The following FBXL13 variants were observed in gnomAD, a reference collection of about 807,000 sequenced individuals.
FBXL13 encodes F-box and leucine rich repeat protein 13.
In FBXL13, 67 loss-of-function variants were observed where a neutral mutation model predicts 83.6. The observed-to-expected ratio is 0.80, with a 90% CI of 0.66 to 0.98. The LOEUF (loss-of-function observed/expected upper bound fraction) is 0.98, where lower values mean the gene tolerates loss of function less well. Among genes scored for constraint, FBXL13 ranks in the 50% least tolerant of loss-of-function variants. The probability of loss-of-function intolerance (pLI) is 0.00; values close to 1 mark genes in which losing one functional copy is unlikely to be tolerated. For missense variants in FBXL13, 822 were observed against 866.5 expected (o/e 0.95, Z 0.64); for synonymous variants, 272 against 299.5 (o/e 0.91, Z 0.95).
At chr7:102,982,194 C>G (rs1828333298) in intron 6 of FBXL13, among the ~76,000 whole-genome samples, 1 of 152,148 alleles carries the variant, frequency 6.6e-6, no homozygotes, top group Non-Finnish European at 1.5e-5. Flanking sequence ...GCAGTCTTAA[C>G]TTTTAGTTCG....
At position 102,975,976 on chromosome 7, in the gene FBXL13, A is replaced by G. The variant is rs771777559; in HGVS notation, c.496-7859T>C. ...CCTGGTGCCTGCTTCAAGTGCGGCA[A>G]TGAAGGCCACTGGCCCACACAATGC... On this transcript the variant is annotated intron_variant, in intron 6 of 19. Transcript: ENST00000313221. The G allele has an allele frequency of 1.2e-5, 9 of 766,210 alleles. No individual in the cohort carries two copies. The East Asian group carries it at 1.5e-4, about 12-fold the overall frequency. The allele number at this position is 766,210 out of a possible 1,614,324, so 47.5% of individuals were successfully genotyped here.
At chr7:102,937,459 A>C (rs1303997080) in intron 8 of FBXL13, among the ~76,000 whole-genome samples, 1 of 146,654 alleles carries the variant, frequency 6.8e-6, no homozygotes, top group African/African-American at 2.5e-5. Flanking sequence ...GTGAGCTGAG[A>C]TCACGCCACT....
intron 6 of FBXL13, among the ~76,000 whole-genome samples, chr7:103,006,614 T>C (rs1449708347): frequency 6.6e-6 from 1 of 152,150 alleles, no homozygotes; most frequent in Non-Finnish European, 1.5e-5. Flanking sequence ...ACTAAATTAA[T>C]TGACTACCAG....
At chr7:102,940,339 A>G (rs577424714) in intron 8 of FBXL13, among the ~76,000 whole-genome samples, 1 of 151,672 alleles carries the variant, frequency 6.6e-6, no homozygotes, top group South Asian at 2.1e-4. Context: ...CCTCCCAAGT[A>G]GCTGGAACTA....
chr7:103,054,796 A>G (rs1018418786), intron 2 of FBXL13, among the ~76,000 whole-genome samples: 4 of 152,236 alleles, frequency 2.6e-5, no homozygotes, highest in African/African-American at 9.6e-5. Flanking sequence ...CTTTATAAAG[A>G]TGCACGAGAG....
intron 8 of FBXL13, among the ~76,000 whole-genome samples, chr7:102,950,104 C>CA (rs949156855): frequency 5.5e-4 from 81 of 148,556 alleles, no homozygotes; most frequent in South Asian, 1.3e-3. Context: ...GACTCTGTCT[C>CA]AAAAAAAAAC....
At chr7:102,932,365 T>G (rs1319319270) in intron 8 of FBXL13, among the ~76,000 whole-genome samples, 2 of 152,200 alleles carry the variant, frequency 1.3e-5, no homozygotes, top group African/African-American at 4.8e-5. Flanking sequence ...ACTACTTGGA[T>G]TCTAATTTAT....
rs536233268 is a variant in FBXL13 at position 103,019,450 on chromosome 7, A to C, written c.495+5613T>G. Reference sequence around the variant, plus strand: ...AGAGCAAACATATTCAAAAGCTAGCAGAAGGCAAGAAATAACTAAGATCAG... The same window carrying C: ...AGAGCAAACATATTCAAAAGCTAGCCGAAGGCAAGAAATAACTAAGATCAG... On this transcript the variant is annotated intron_variant, in intron 6 of 19. Transcript: ENST00000313221. 9.5e-4 allele frequency among the ~76,000 whole-genome samples: 145 copies of C among 152,330 alleles called. 2 individuals are homozygous for C. The highest frequency in any genetic ancestry group is 3.3e-3 in the African/African-American group (137 of 41,580).
At chr7:103,024,718 A>G (rs1793653296) in intron 6 of FBXL13, among the ~76,000 whole-genome samples, 1 of 149,698 alleles carries the variant, frequency 6.7e-6, no homozygotes, top group South Asian at 2.1e-4. Context: ...ACAAGATAGG[A>G]GCAGGTAATT....
At chr7:102,939,419 A>C (rs1563122753) in intron 8 of FBXL13, 2 of 1,602,062 alleles carry the variant, frequency 1.2e-6, no homozygotes, top group Non-Finnish European at 1.7e-6. Flanking sequence ...AAATATTATT[A>C]AATTTTCCAG....
chr7:102,827,335 G>A (rs963113395), intron 18 of FBXL13, among the ~76,000 whole-genome samples: 1 of 152,108 alleles, frequency 6.6e-6, no homozygotes, highest in Non-Finnish European at 1.5e-5. Context: ...CAACCCTGGG[G>A]CCAACCACTG....
intron 6 of FBXL13, among the ~76,000 whole-genome samples, chr7:102,995,701 C>T (rs1179861036): frequency 6.6e-6 from 1 of 150,794 alleles, no homozygotes; most frequent in African/African-American, 2.4e-5. Context: ...GCAGGAGAAT[C>T]GCTTGATCCC....
chr7:102,869,211 T>G (rs1808181128), intron 16 of FBXL13, among the ~76,000 whole-genome samples: 2 of 152,240 alleles, frequency 1.3e-5, no homozygotes, highest in Non-Finnish European at 2.9e-5. Context: ...AGTTTTGATT[T>G]GCAGTTCCCT....
intron 8 of FBXL13, among the ~76,000 whole-genome samples, chr7:102,945,963 C>A (rs1822408898): frequency 6.6e-6 from 1 of 152,132 alleles, no homozygotes; most frequent in Non-Finnish European, 1.5e-5. Context: ...CTCGCTGCAA[C>A]CTACGCCTTC....
chr7:103,072,776 T>C (rs950656893), intron 1 of FBXL13, among the ~76,000 whole-genome samples: 1 of 152,250 alleles, frequency 6.6e-6, no homozygotes, highest in Admixed American at 6.5e-5. Flanking sequence ...GAGTCTTCAC[T>C]TTCTGTCCAT....
intron 6 of FBXL13, among the ~76,000 whole-genome samples, chr7:102,969,377 G>T (rs1826337928): frequency 6.6e-6 from 1 of 152,000 alleles, no homozygotes; most frequent in Non-Finnish European, 1.5e-5. Context: ...ATCTAGGTTT[G>T]TGTAGCACTC....
At chr7:103,044,594 A>G (rs1285093255) in intron 2 of FBXL13, among the ~76,000 whole-genome samples, 1 of 152,236 alleles carries the variant, frequency 6.6e-6, no homozygotes, top group Non-Finnish European at 1.5e-5. Flanking sequence ...AATTAACAAG[A>G]TTGGCAAAAT....
At chr7:102,981,040 T>C (rs995619546) in intron 6 of FBXL13, among the ~76,000 whole-genome samples, 4 of 152,156 alleles carry the variant, frequency 2.6e-5, no homozygotes, top group Admixed American at 6.5e-5. Flanking sequence ...CAACAAGCCT[T>C]GGAAAGGTAT....
intron 6 of FBXL13, chr7:102,978,665 C>T: frequency 4.2e-6 from 1 of 240,766 alleles, no homozygotes; most frequent in Non-Finnish European, 8.4e-6. Context: ...GCGTGTTGCT[C>T]CACACTGCCT....
Sources: allele counts gnomAD v4.1 joint callset (sites outside exome capture counted in the v4.1 genomes callset), GRCh38; gene constraint gnomAD v4.1.1; transcripts MANE v1.5; gene names NCBI Gene and HGNC (gene_info 2026-07-23, HGNC 2026-07-21).